APBB2: variants seen among roughly 807,000 people sequenced by gnomAD.
The protein encoded by APBB2 is amyloid beta precursor protein binding family B member 2.
A neutral mutation model predicts 82.5 loss-of-function variants in APBB2; 38 were observed. The ratio of observed to expected loss-of-function variants is 0.46; its 90% CI spans 0.36 to 0.60. APBB2 has a LOEUF of 0.60. APBB2 is among the 20% of genes least tolerant of loss of function. The pLI is 0.00. For synonymous variants in APBB2, 341 were observed against 368.2 expected (o/e 0.93, Z 0.85); for missense variants, 772 against 972.3 (o/e 0.79, Z 2.74).
chr4:41,078,328 C>T (rs1042592623), intron 3 of APBB2, among the ~76,000 whole-genome samples: 1 of 152,128 alleles, frequency 6.6e-6, no homozygotes, highest in African/African-American at 2.4e-5. Flanking sequence ...AACGGCAATG[C>T]AAATCCGTGG....
At chr4:40,823,585 C>A (rs1237513027) in intron 16 of APBB2, 59 bp downstream of exon 16, 1 of 1,226,640 alleles carries the variant, frequency 8.2e-7, no homozygotes, top group South Asian at 1.2e-5. Context: ...CACAGAAAAC[C>A]ACTGTATCTT....
chr4:41,063,221 C>G (rs1272121471), intron 4 of APBB2, among the ~76,000 whole-genome samples: 1 of 152,180 alleles, frequency 6.6e-6, no homozygotes, highest in Admixed American at 6.5e-5. Flanking sequence ...TTTTTCTTAA[C>G]AGGCTCACAG....
At chr4:41,148,372 T>TA (rs1240830879) in intron 1 of APBB2, among the ~76,000 whole-genome samples, 40 of 152,210 alleles carry the variant, frequency 2.6e-4, no homozygotes, top group Non-Finnish European at 8.8e-5. Context: ...AACAGCCTCT[T>TA]TAACCTCTGT....
intron 11 of APBB2, among the ~76,000 whole-genome samples, chr4:40,891,669 C>A (rs1772057095): frequency 6.6e-6 from 1 of 152,160 alleles, no homozygotes; most frequent in Non-Finnish European, 1.5e-5. Flanking sequence ...CCAGCCTGGT[C>A]TCAAATCTTC....
chr4:40,922,181 C>A (rs2154368762), intron 10 of APBB2, among the ~76,000 whole-genome samples: 1 of 152,324 alleles, frequency 6.6e-6, no homozygotes, highest in African/African-American at 2.4e-5. Context: ...CATGAAGCAA[C>A]AGAAATCCAA....
At chr4:41,036,474 G>C (rs1039500786) in intron 4 of APBB2, among the ~76,000 whole-genome samples, 2 of 152,154 alleles carry the variant, frequency 1.3e-5, no homozygotes, top group African/African-American at 4.8e-5. Flanking sequence ...TACCTGCCAT[G>C]TGTCATGCAT....
At chr4:40,961,667 T>TAAAAAAAAAAAAAAAAAAAAA (rs60942744) in intron 6 of APBB2, among the ~76,000 whole-genome samples, 5 of 68,246 alleles carry the variant, frequency 7.3e-5, no homozygotes, top group African/African-American at 1.2e-4. Context: ...AAAAAAGATG[T>TAAAAAAAAAAAAAAAAAAAAA]AAAAAAAAAA....
rs182682437 is a variant in APBB2 at position 40,868,479 on chromosome 4, T to C, written c.1529+21885A>G. Among the ~76,000 whole-genome samples, 429 of 152,328 alleles carry C rather than the reference T, an allele frequency of 2.8e-3. 3 individuals are homozygous for C. The Middle Eastern group carries it at 0.031, about 11-fold the overall frequency. On this transcript the variant is annotated intron_variant, in intron 12 of 17. Coordinates refer to ENST00000508593, the MANE Select transcript of APBB2 (RefSeq NM_004307.2). ...TGATCCAGTAACCAATCTGAACCATTAGCAATCTCAGCTTCAGAATTTCAG... is the reference window on the plus strand; with the variant it reads ...TGATCCAGTAACCAATCTGAACCATCAGCAATCTCAGCTTCAGAATTTCAG...
intron 6 of APBB2, among the ~76,000 whole-genome samples, chr4:41,012,917 CTCCGACAAA>C (rs959332004): frequency 6.6e-6 from 1 of 152,128 alleles, no homozygotes; most frequent in Non-Finnish European, 1.5e-5. Flanking sequence ...ATTTTAACAC[CTCCGACAAA>C]TCCAAAATAT....
intron 3 of APBB2, among the ~76,000 whole-genome samples, chr4:41,075,279 C>T (rs1735290862): frequency 2.0e-5 from 3 of 152,276 alleles, no homozygotes; most frequent in South Asian, 4.1e-4. Context: ...ATCTTTGATA[C>T]ACATTAATAA....
At chr4:41,068,491 G>C (rs1732693799) in intron 3 of APBB2, among the ~76,000 whole-genome samples, 1 of 152,126 alleles carries the variant, frequency 6.6e-6, no homozygotes, top group Non-Finnish European at 1.5e-5. Context: ...TGAGATGACA[G>C]GTAAATGGTC....
At chr4:41,085,755 A>G (rs1041689244) in intron 3 of APBB2, among the ~76,000 whole-genome samples, 2 of 152,204 alleles carry the variant, frequency 1.3e-5, no homozygotes, top group Non-Finnish European at 2.9e-5. Context: ...ATGCATCTAC[A>G]TATGTAAGGC....
At chr4:41,094,085 GTA>G in intron 3 of APBB2, among the ~76,000 whole-genome samples, 1 of 152,018 alleles carries the variant, frequency 6.6e-6, no homozygotes, top group African/African-American at 2.4e-5. Flanking sequence ...ACATCATGTT[GTA>G]TACTATAAAT....
At chr4:40,972,550 T>C (rs930575306) in intron 6 of APBB2, among the ~76,000 whole-genome samples, 8 of 152,192 alleles carry the variant, frequency 5.3e-5, no homozygotes, top group African/African-American at 1.9e-4. Context: ...AAATAGTAAA[T>C]ACAAGGCACT....
chr4:41,168,444 T>C (rs1264254999), intron 1 of APBB2, among the ~76,000 whole-genome samples: 1 of 152,026 alleles, frequency 6.6e-6, no homozygotes, highest in East Asian at 1.9e-4. Flanking sequence ...CAAGTGGCGA[T>C]TCTCCTGCCT....
chr4:41,085,539 C>T (rs1190787524), intron 3 of APBB2, among the ~76,000 whole-genome samples: 2 of 152,056 alleles, frequency 1.3e-5, no homozygotes, highest in African/African-American at 4.8e-5. Context: ...AGCAGTTCAG[C>T]ATGAAGAAAA....
intron 1 of APBB2, among the ~76,000 whole-genome samples, chr4:41,155,897 A>G (rs896289943): frequency 6.6e-6 from 1 of 152,238 alleles, no homozygotes; most frequent in Non-Finnish European, 1.5e-5. Context: ...AATCTATTTA[A>G]CCATAAAAGT....
intron 6 of APBB2, among the ~76,000 whole-genome samples, chr4:40,965,357 T>C (rs1300574270): frequency 6.6e-6 from 1 of 152,138 alleles, no homozygotes; most frequent in Non-Finnish European, 1.5e-5. Flanking sequence ...AAAATACTAA[T>C]GAAAAGTCAC....
chr4:40,995,824 C>G (rs1237319577), intron 6 of APBB2, among the ~76,000 whole-genome samples: 1 of 152,054 alleles, frequency 6.6e-6, no homozygotes, highest in African/African-American at 2.4e-5. Context: ...GTGTGAGCCA[C>G]CGTGCCAGCC....
Sources: allele counts gnomAD v4.1 joint callset (sites outside exome capture counted in the v4.1 genomes callset), GRCh38; gene constraint gnomAD v4.1.1; transcripts MANE v1.5; gene names NCBI Gene and HGNC (gene_info 2026-07-23, HGNC 2026-07-21).